MDGA2: variants seen among roughly 807,000 people sequenced by gnomAD.
MDGA2 encodes MAM domain-containing glycosylphosphatidylinositol anchor protein 2.
In MDGA2, 40 loss-of-function variants were observed where a neutral mutation model predicts 117.8. The ratio of observed to expected loss-of-function variants is 0.34; its 90% CI spans 0.26 to 0.44. The LOEUF (loss-of-function observed/expected upper bound fraction) is 0.44. Among genes scored for constraint, MDGA2 ranks in the 20% least tolerant of loss-of-function variants. MDGA2 has a pLI of 1.00. For synonymous variants in MDGA2, 452 were observed against 439.0 expected (o/e 1.03, Z -0.37); for missense variants, 1,123 against 1,250.6 (o/e 0.90, Z 1.54).
At chr14:46,860,456 A>G (rs1881464245) in intron 14 of MDGA2, among the ~76,000 whole-genome samples, 1 of 151,928 alleles carries the variant, frequency 6.6e-6, no homozygotes, top group Non-Finnish European at 1.5e-5. Flanking sequence ...GGCTGAATCA[A>G]TTTGCTAGTA....
rs1014031781 is a variant in MDGA2, at chr14:47,670,298, G to C, written c.280+4219C>G. Among the ~76,000 whole-genome samples, 4 of 152,168 alleles carry C rather than the reference G, an allele frequency of 2.6e-5. No homozygotes were observed. The East Asian group carries it at 7.7e-4, about 29-fold the overall frequency. On this transcript the variant is annotated intron_variant, in intron 1 of 16. Coordinates refer to ENST00000399232, the MANE Select transcript of MDGA2 (RefSeq NM_001113498.3). ...TCCCAAAAAAGCTATTCAGACTTGA[G>C]TTGTATTTTGTTTTTTGTTTGCAGT...
At chr14:47,494,989 T>G (rs1335913972) in intron 1 of MDGA2, among the ~76,000 whole-genome samples, 2 of 151,842 alleles carry the variant, frequency 1.3e-5, no homozygotes, top group Non-Finnish European at 2.9e-5. Context: ...TTCAGTAGTA[T>G]TCTATAGTGT....
intron 3 of MDGA2, among the ~76,000 whole-genome samples, chr14:47,209,792 C>T (rs1416676250): frequency 6.6e-6 from 1 of 152,114 alleles, no homozygotes; most frequent in South Asian, 2.1e-4. Flanking sequence ...ATTAATAGGG[C>T]AATTTGCATG....
chr14:46,847,657 T>A (rs917396381), intron 15 of MDGA2, among the ~76,000 whole-genome samples: 1 of 152,004 alleles, frequency 6.6e-6, no homozygotes. Flanking sequence ...GAGAATTGAA[T>A]ATGAAGAAAG....
chr14:46,933,010 A>G (rs559297627), intron 9 of MDGA2, among the ~76,000 whole-genome samples: 2 of 152,224 alleles, frequency 1.3e-5, no homozygotes, highest in East Asian at 3.9e-4. Context: ...TAACAATACA[A>G]TATAATTTAT....
chr14:47,023,927 A>G (rs1438660451), intron 8 of MDGA2, among the ~76,000 whole-genome samples: 1 of 152,198 alleles, frequency 6.6e-6, no homozygotes, highest in African/African-American at 2.4e-5. Context: ...AAAATCTGAT[A>G]TACAGAGAAG....
intron 4 of MDGA2, 127 bp from the exon 5 acceptor site, chr14:47,131,973 T>G: frequency 1.5e-6 from 1 of 673,566 alleles, no homozygotes; most frequent in Non-Finnish European, 2.2e-6. Flanking sequence ...CTGTCTTTTT[T>G]TAAGGGAAAT....
chr14:47,047,787 G>T (rs1267927996), intron 7 of MDGA2, among the ~76,000 whole-genome samples: 2 of 151,432 alleles, frequency 1.3e-5, no homozygotes, highest in Non-Finnish European at 2.9e-5. Context: ...TACTTACACG[G>T]TCAAACAAAG....
intron 4 of MDGA2, among the ~76,000 whole-genome samples, chr14:47,142,701 T>C (rs1026540941): frequency 1.4e-4 from 21 of 152,270 alleles, no homozygotes; most frequent in African/African-American, 5.1e-4. Flanking sequence ...GGAGAATGCA[T>C]TAAAGTACTG....
chr14:46,933,851 T>TATATAC (rs1884680228), intron 9 of MDGA2, among the ~76,000 whole-genome samples: 1 of 86,572 alleles, frequency 1.2e-5, no homozygotes, highest in Non-Finnish European at 2.4e-5. Flanking sequence ...TATATATATA[T>TATATAC]ACTTTTCTTG....
Position 47,225,204 on chromosome 14 carries a change from A to C in MDGA2, c.421-7009T>G, listed in dbSNP as rs573413669. Among the ~76,000 whole-genome samples the C allele has an allele frequency of 2.0e-5, 3 of 152,070 alleles. No individual in the cohort carries two copies. In the East Asian group the frequency reaches 5.8e-4, roughly 30 times the overall value. ...TGTGGAGAAATAGGAACACTTTTAC[A>C]CTGTTGGTGGGACTGTAAACTAGTT... is the stretch of plus-strand genomic sequence containing the variant. On this transcript the variant is annotated intron_variant, in intron 2 of 16. Transcript: ENST00000399232.
chr14:46,929,355 A>G (rs1884447774), intron 9 of MDGA2, among the ~76,000 whole-genome samples: 1 of 151,652 alleles, frequency 6.6e-6, no homozygotes, highest in Non-Finnish European at 1.5e-5. Flanking sequence ...TTTAACATTT[A>G]TGTTACATCA....
At chr14:47,045,969 A>T (rs1889247075) in intron 7 of MDGA2, among the ~76,000 whole-genome samples, 1 of 150,774 alleles carries the variant, frequency 6.6e-6, no homozygotes, top group Non-Finnish European at 1.5e-5. Flanking sequence ...GGTCTCAAAA[A>T]AAAAGGGGGA....
intron 1 of MDGA2, among the ~76,000 whole-genome samples, chr14:47,631,329 C>T (rs1291432257): frequency 6.6e-6 from 1 of 152,196 alleles, no homozygotes; most frequent in African/African-American, 2.4e-5. Flanking sequence ...CTCTGGCCTA[C>T]ACTGGAGAGT....
chr14:47,054,827 C>T (rs529873165), intron 7 of MDGA2, among the ~76,000 whole-genome samples: 77 of 151,704 alleles, frequency 5.1e-4, no homozygotes, highest in Non-Finnish European at 6.9e-4. Context: ...TGGATCCCTT[C>T]CTTACACCTT....
intron 9 of MDGA2, among the ~76,000 whole-genome samples, chr14:46,924,340 T>G (rs1884245665): frequency 6.6e-6 from 1 of 151,978 alleles, no homozygotes; most frequent in African/African-American, 2.4e-5. Flanking sequence ...CAATTATTAT[T>G]CCCACTATGA....
intron 2 of MDGA2, among the ~76,000 whole-genome samples, chr14:47,234,299 C>A (rs1438942509): frequency 6.6e-6 from 1 of 151,256 alleles, no homozygotes; most frequent in East Asian, 1.9e-4. Context: ...AATCATAAGT[C>A]ATCTAGCATA....
intron 9 of MDGA2, among the ~76,000 whole-genome samples, chr14:46,943,154 G>C (rs529008443): frequency 6.6e-6 from 1 of 151,866 alleles, no homozygotes; most frequent in South Asian, 2.1e-4. Flanking sequence ...TTTAACTCTC[G>C]TAATTACTCT....
At chr14:47,269,829 A>G (rs1213677759) in intron 2 of MDGA2, among the ~76,000 whole-genome samples, 1 of 152,156 alleles carries the variant, frequency 6.6e-6, no homozygotes, top group African/African-American at 2.4e-5. Context: ...GTCTGTTTTC[A>G]TCTATATTCT....
Sources: gnomAD v4.1 joint callset for allele counts (sites outside exome capture counted in the v4.1 genomes callset) on GRCh38, gnomAD v4.1.1 for gene constraint, MANE v1.5 for transcripts, NCBI Gene and HGNC (gene_info 2026-07-23, HGNC 2026-07-21) for gene names.